Variants in DIS3L2 observed in about 807,000 individuals in gnomAD.
The protein encoded by DIS3L2 is DIS3-like exonuclease 2.
In DIS3L2, 34 loss-of-function variants were observed where a neutral mutation model predicts 97.5. The ratio of observed to expected loss-of-function variants is 0.35; its 90% CI spans 0.27 to 0.46. The LOEUF is 0.46. Ranked by LOEUF, DIS3L2 falls within the 20% of genes least tolerant of loss-of-function variation. The pLI is 1.00. For missense variants in DIS3L2, 1,038 were observed against 1,146.0 expected, an observed-to-expected ratio of 0.91 and a Z score of 1.36; for synonymous variants, 435 against 445.2, an observed-to-expected ratio of 0.98 and a Z score of 0.29.
Position 232,245,799 on chromosome 2 carries a change from C to T in DIS3L2, c.1318-3440C>T, listed in dbSNP as rs143013148. Among the ~76,000 whole-genome samples the T allele has an allele frequency of 3.2e-3, 485 of 152,320 alleles. 3 individuals carry two copies. Among genetic ancestry groups the T allele is most frequent in the African/African-American group, 0.011 (441 of 41,570 alleles). ...ACAGTTTTTATAGCCTGCACAACCA[C>T]TGCATGTGCTGGTAAGTTTTAGGTT... On this transcript the variant is annotated intron_variant, in intron 11 of 20. Coordinates refer to ENST00000325385, the MANE Select transcript of DIS3L2 (RefSeq NM_152383.5).
intron 13 of DIS3L2, among the ~76,000 whole-genome samples, chr2:232,282,823 T>C (rs1368149175): frequency 6.6e-6 from 1 of 152,194 alleles, no homozygotes; most frequent in Non-Finnish European, 1.5e-5. Flanking sequence ...TTGGCCATTT[T>C]CCCCACTTTC....
At chr2:231,998,999 A>C (rs1293691214) in intron 1 of DIS3L2, among the ~76,000 whole-genome samples, 1 of 152,170 alleles carries the variant, frequency 6.6e-6, no homozygotes, top group African/African-American at 2.4e-5. Flanking sequence ...TGGAACAGCA[A>C]GATATTCTAG....
rs767658588 is a variant in DIS3L2, at chr2:232,249,322, C to G, written c.1401C>G (p.Ile467Met). ...CCGACAAGCTGACCTTCTCTGTGAT[C>G]TGGACACTGACTCCAGAGGGCAAGG... is the stretch of plus-strand genomic sequence containing the variant. ...PMSDKLTFSV[I>M]WTLTPEGKIL... The change falls in exon 12 of 21, where the codon ATC becomes ATG. Residue 467 changes from isoleucine (I) to methionine (M), a missense_variant. Physicochemically the swap from Ile to Met is conservative, Grantham distance 10. This residue lies in a region of DIS3L2 where 813 missense variants were observed against 880.1 expected (regional missense o/e 0.92). Coordinates refer to ENST00000325385, the MANE Select transcript of DIS3L2 (RefSeq NM_152383.5). 4.3e-6 allele frequency: 7 copies of G among 1,614,102 alleles called. No homozygotes were observed. The highest frequency in any genetic ancestry group is 1.7e-5 in the Admixed American group (1 of 60,006).
chr2:232,226,094 A>G (rs1038259864), intron 10 of DIS3L2, among the ~76,000 whole-genome samples: 12 of 152,324 alleles, frequency 7.9e-5, no homozygotes, highest in African/African-American at 2.4e-4. Context: ...TCTAAAATTT[A>G]TTGTAGTTGT....
rs145572176 is a variant in DIS3L2 at position 232,222,593 on chromosome 2, C to T, written c.1204+12188C>T. On this transcript the variant is annotated intron_variant, in intron 10 of 20. Coordinates refer to ENST00000325385, the MANE Select transcript of DIS3L2 (RefSeq NM_152383.5). ...TCAAGTGATTCTGCTGCCTCAACCT[C>T]CCTAGTAGCTGGGACTACAGGCACC... is the stretch of plus-strand genomic sequence containing the variant. Among the ~76,000 whole-genome samples, 220 of 152,312 alleles carry T rather than the reference C, an allele frequency of 1.4e-3. 1 individual carries two copies. Among genetic ancestry groups the T allele is most frequent in the African/African-American group, 5.1e-3 (214 of 41,568 alleles).
At chr2:232,235,069 C>T (rs1040818596) in intron 10 of DIS3L2, among the ~76,000 whole-genome samples, 9 of 152,196 alleles carry the variant, frequency 5.9e-5, no homozygotes, top group African/African-American at 2.2e-4. Flanking sequence ...TCTCATGTCC[C>T]GTCAGGTTCA....
At chr2:232,115,807 A>C (rs748683388) in intron 6 of DIS3L2, among the ~76,000 whole-genome samples, 2 of 152,206 alleles carry the variant, frequency 1.3e-5, no homozygotes. Context: ...ACTGTGAGTC[A>C]ATTAAACCTC....
intron 5 of DIS3L2, among the ~76,000 whole-genome samples, chr2:232,049,841 C>T (rs1360679705): frequency 6.6e-6 from 1 of 152,192 alleles, no homozygotes; most frequent in Non-Finnish European, 1.5e-5. Flanking sequence ...CACAGTGCCA[C>T]TTCTGTGTGC....
At chr2:232,277,266 C>T (rs900617372) in intron 13 of DIS3L2, among the ~76,000 whole-genome samples, 4 of 152,168 alleles carry the variant, frequency 2.6e-5, no homozygotes, top group Admixed American at 6.5e-5. Context: ...GAACATCACG[C>T]CCCAAGTCAC....
Position 232,330,685 on chromosome 2 carries a change from T to C in DIS3L2, c.1924-5T>C, listed in dbSNP as rs1278635065. 3 of 1,613,890 alleles carry C rather than the reference T, an allele frequency of 1.9e-6. No individual in the cohort carries two copies. The Admixed American group carries it at 5.0e-5, about 27-fold the overall frequency. ...GTCACATAGGTTTCTGGGATTTGCT[T>C]CTAGAAAAGCCTGACCCAAACATTT... On this transcript the variant is annotated splice_region_variant and splice_polypyrimidine_tract_variant and intron_variant, in intron 15 of 20. Coordinates refer to ENST00000325385, the MANE Select transcript of DIS3L2 (RefSeq NM_152383.5).
At chr2:231,965,732 A>C (rs543194935) in intron 1 of DIS3L2, among the ~76,000 whole-genome samples, 2 of 152,298 alleles carry the variant, frequency 1.3e-5, no homozygotes, top group South Asian at 4.1e-4. Context: ...CACAAATGCA[A>C]AACTATGGCT....
intron 5 of DIS3L2, among the ~76,000 whole-genome samples, chr2:232,049,568 C>T (rs1010378841): frequency 6.6e-6 from 1 of 152,200 alleles, no homozygotes; most frequent in Non-Finnish European, 1.5e-5. Context: ...TCACCAGATG[C>T]TGGTGGCTTA....
At chr2:232,053,229 A>G (rs1695456323) in intron 5 of DIS3L2, among the ~76,000 whole-genome samples, 1 of 152,232 alleles carries the variant, frequency 6.6e-6, no homozygotes, top group African/African-American at 2.4e-5. Context: ...TTCATTTTCA[A>G]GGTACTTCTG....
chr2:232,033,502 TAC>T (rs1333342039), intron 5 of DIS3L2, among the ~76,000 whole-genome samples: 1 of 152,156 alleles, frequency 6.6e-6, no homozygotes, highest in Non-Finnish European at 1.5e-5. Flanking sequence ...GAACTTCCAG[TAC>T]TACGTTGAAT....
rs1695202457 is a variant in DIS3L2 at position 232,313,883 on chromosome 2, C to T, written c.1739+13764C>T. 5.9e-5 allele frequency among the ~76,000 whole-genome samples: 9 copies of T among 152,310 alleles called. 1 individual carries two copies. In the South Asian group the frequency reaches 1.9e-3, roughly 32 times the overall value. ...AAGAGAGGGCATGTGCAGAGAAACTCCCATTTTTAAAACCATCAGATCTTG... is the reference window on the plus strand; with the variant it reads ...AAGAGAGGGCATGTGCAGAGAAACTTCCATTTTTAAAACCATCAGATCTTG... On this transcript the variant is annotated intron_variant, in intron 14 of 20. Coordinates refer to ENST00000325385, the MANE Select transcript of DIS3L2 (RefSeq NM_152383.5).
In DIS3L2 at chr2:232,016,899, CCCCTCCCTCCCTCCCTCCCTCTCTCCCT is replaced by C. The variant is rs1189820653; in HGVS notation, c.210+1245_210+1272del. Among the ~76,000 whole-genome samples, 53 of 133,886 alleles carry C rather than the reference CCCCTCCCTCCCTCCCTCCCTCTCTCCCT, an allele frequency of 4.0e-4. 1 individual carries two copies. The highest frequency in any genetic ancestry group is 1.4e-3 in the African/African-American group (52 of 36,738). 87.8% of individuals were successfully genotyped at this position (133,886 alleles called of 152,430 possible). ...GCTGTCATCTTCTCTTCCTTTTTGTCCCCTCCCTCCCTCCCTCCCTCTCTCCCTCCCTCCCTCCCTCCCTTCCTTCCTT... is the reference window on the plus strand; with the variant it reads ...GCTGTCATCTTCTCTTCCTTTTTGTCCCCTCCCTCCCTCCCTTCCTTCCTT... On this transcript the variant is annotated intron_variant, in intron 3 of 20. Coordinates refer to ENST00000325385, the MANE Select transcript of DIS3L2 (RefSeq NM_152383.5).
At chr2:232,174,405 G>T (rs1268544268) in intron 9 of DIS3L2, among the ~76,000 whole-genome samples, 7 of 151,876 alleles carry the variant, frequency 4.6e-5, no homozygotes, top group Non-Finnish European at 8.8e-5. Flanking sequence ...GGGTAACATA[G>T]TGAAACCCCG....
rs145607185 is a variant in DIS3L2 at position 232,210,389 on chromosome 2, C to T, written c.1188C>T (p.Cys396=). 15 of 1,613,494 alleles carry T rather than the reference C, an allele frequency of 9.3e-6. 1 individual carries two copies. The East Asian group carries it at 2.9e-4, about 31-fold the overall frequency. The change falls in exon 10 of 21, where the codon TGC becomes TGT. Residue 396 remains cysteine, a synonymous_variant. Coordinates refer to ENST00000325385, the MANE Select transcript of DIS3L2 (RefSeq NM_152383.5). ...GAGACCTCGATGATGCCCTCTCCTG[C>T]AAGCCACTCGCTGACGGTAGGATGG... ...TARDLDDALS[C]KPLADGNFKV...
chr2:232,086,221 GTATAGACGTGTATACGTA>G (rs1696583476), intron 5 of DIS3L2, among the ~76,000 whole-genome samples: 2 of 151,360 alleles, frequency 1.3e-5, no homozygotes, highest in African/African-American at 2.4e-5. Flanking sequence ...ATATACACAC[GTATAGACGTGTATACGTA>G]TATATACACA....
Sources: allele counts gnomAD v4.1 joint callset (sites outside exome capture counted in the v4.1 genomes callset), GRCh38; gene constraint gnomAD v4.1.1; regional missense constraint gnomAD v4.1.1; transcripts MANE v1.5; gene names NCBI Gene and HGNC (gene_info 2026-07-23, HGNC 2026-07-21).